Variants in RNF128 observed in about 807,000 individuals in gnomAD.
RNF128 encodes the protein E3 ubiquitin-protein ligase RNF128.
RNF128 carries 13 observed loss-of-function variants against 26.2 expected under a neutral mutation model. That is an observed-to-expected ratio of 0.50 (90% CI 0.32 to 0.79). RNF128 has a LOEUF of 0.79. Ranked by LOEUF, RNF128 falls within the 30% of genes least tolerant of loss-of-function variation. The pLI, the probability that RNF128 is intolerant of heterozygous loss-of-function variation, is 0.03. For missense variants in RNF128, 315 were observed against 349.7 expected, an observed-to-expected ratio of 0.90 and a Z score of 0.79; for synonymous variants, 149 against 142.5, an observed-to-expected ratio of 1.05 and a Z score of -0.32.
chrX:106,750,878 A>G (rs1220388029), intron 1 of RNF128, among the ~76,000 whole-genome samples: 1 of 112,225 alleles, frequency 8.9e-6, no homozygotes, highest in African/African-American at 3.2e-5. Context: ...TCCATTTCCA[A>G]AAATTTATGA....
chrX:106,720,118 A>G (rs982283134), intron 1 of RNF128, among the ~76,000 whole-genome samples: 2 of 110,235 alleles, frequency 1.8e-5, no homozygotes, highest in African/African-American at 6.6e-5. Context: ...AGGTTTGCCC[A>G]ATACCAGAGT....
chrX:106,787,051 G>C (rs926343635), intron 3 of RNF128, among the ~76,000 whole-genome samples: 1 of 110,831 alleles, frequency 9.0e-6, no homozygotes, highest in East Asian at 2.8e-4. Flanking sequence ...AGTTCCTTAT[G>C]AAGTTAAAAA....
intron 1 of RNF128, among the ~76,000 whole-genome samples, chrX:106,697,014 A>C (rs1310879035): frequency 9.0e-6 from 1 of 111,495 alleles, no homozygotes. Context: ...TTCTTGGGAT[A>C]TGGGACTCTT....
intron 1 of RNF128, among the ~76,000 whole-genome samples, chrX:106,734,779 G>T (rs973880404): frequency 9.8e-5 from 11 of 111,970 alleles, no homozygotes; most frequent in African/African-American, 3.6e-4. Context: ...TTTTGATGTA[G>T]CACAATTATC....
chrX:106,748,544 G>C (rs1929825641), intron 1 of RNF128, among the ~76,000 whole-genome samples: 1 of 111,926 alleles, frequency 8.9e-6, no homozygotes, highest in African/African-American at 3.2e-5. Flanking sequence ...AAAGATGAAT[G>C]GATAAAGAAA....
chrX:106,788,706 T>A (rs1277533078), intron 4 of RNF128, among the ~76,000 whole-genome samples: 1 of 61,562 alleles, frequency 1.6e-5, no homozygotes, highest in Admixed American at 2.8e-4. Context: ...ATAAATATAT[T>A]TTATATATAG....
intron 2 of RNF128, among the ~76,000 whole-genome samples, chrX:106,784,098 A>G (rs182752187): frequency 8.0e-5 from 9 of 111,932 alleles, no homozygotes; most frequent in African/African-American, 2.9e-4. Context: ...TATTATATTC[A>G]CTACTTCAAT....
intron 1 of RNF128, among the ~76,000 whole-genome samples, chrX:106,717,026 C>T (rs1424777382): frequency 1.8e-5 from 2 of 109,857 alleles, no homozygotes; most frequent in Non-Finnish European, 3.8e-5. Flanking sequence ...CACGGTGAAA[C>T]CCCGTCTCTA....
At chrX:106,734,700 A>T (rs1237769035) in intron 1 of RNF128, among the ~76,000 whole-genome samples, 2 of 112,238 alleles carry the variant, frequency 1.8e-5, no homozygotes, top group African/African-American at 3.2e-5. Context: ...CTGTGTGACC[A>T]GCGCCCTGCT....
At chrX:106,698,891 C>G (rs1418079827) in intron 1 of RNF128, among the ~76,000 whole-genome samples, 1 of 111,422 alleles carries the variant, frequency 9.0e-6, no homozygotes, top group African/African-American at 3.3e-5. Flanking sequence ...CCCTCCTCTT[C>G]TACTCACTGA....
chrX:106,785,049 G>GTTTT lies in RNF128; in HGVS notation c.733-8_733-5dup, dbSNP rs370041439. 4.2e-6 allele frequency: 4 copies of GTTTT among 958,534 alleles called. No homozygotes were observed. Among genetic ancestry groups the GTTTT allele is most frequent in the Non-Finnish European group, 4.2e-6 (3 of 711,115 alleles). The allele number at this position is 958,534 out of a possible 1,213,427, so 79.0% of individuals were successfully genotyped here. On this transcript the variant is annotated splice_polypyrimidine_tract_variant and intron_variant, in intron 2 of 6. Coordinates refer to ENST00000255499, the MANE Select transcript of RNF128 (RefSeq NM_194463.2). The stretch of plus-strand genomic sequence containing the variant: ...AAAAATAGTTTTTCTAATACCTGCT[G>GTTTT]TTTTTTTTTTTACAGAGGCAATTAA...
chrX:106,776,829 T>C (rs1930473203), intron 2 of RNF128, among the ~76,000 whole-genome samples: 1 of 111,673 alleles, frequency 9.0e-6, no homozygotes, highest in East Asian at 2.8e-4. Context: ...GATACCCATG[T>C]ACTCCCATGG....
chrX:106,764,891 G>T (rs1392458682), intron 1 of RNF128, among the ~76,000 whole-genome samples: 1 of 111,362 alleles, frequency 9.0e-6, no homozygotes, highest in African/African-American at 3.3e-5. Flanking sequence ...TTAGAGAAAA[G>T]ACAAATAATG....
chrX:106,755,659 G>C (rs1473430317), intron 1 of RNF128, among the ~76,000 whole-genome samples: 1 of 111,513 alleles, frequency 9.0e-6, no homozygotes, highest in African/African-American at 3.3e-5. Context: ...AGGACAGAAA[G>C]CATATAATTC....
At position 106,788,356 on chromosome X, in the gene RNF128, AC is replaced by A. The variant is rs1930701983; in HGVS notation, c.887+357del. Among the ~76,000 whole-genome samples, 18 of 49,741 alleles carry A rather than the reference AC, an allele frequency of 3.6e-4. No individual in the cohort carries two copies. The South Asian group carries it at 4.7e-3, about 13-fold the overall frequency. 43.2% of individuals were successfully genotyped at this position (49,741 alleles called of 115,157 possible). Reference sequence around the variant, plus strand: ...ATACTATATATAATATATATTATATACTATATATAATATATATTATATATTA... The same window carrying A: ...ATACTATATATAATATATATTATATATATATATAATATATATTATATATTA... On this transcript the variant is annotated intron_variant, in intron 4 of 6. Transcript: ENST00000255499.
intron 1 of RNF128, among the ~76,000 whole-genome samples, chrX:106,717,902 G>C (rs1929246050): frequency 8.9e-6 from 1 of 111,863 alleles, no homozygotes. Flanking sequence ...ACAAGGGTAA[G>C]ATTCTGTTGC....
chrX:106,759,787 G>A lies in RNF128; in HGVS notation c.485-13126G>A, dbSNP rs377265213. Among the ~76,000 whole-genome samples, 5 of 111,809 alleles carry A rather than the reference G, an allele frequency of 4.5e-5. No homozygotes were observed. In the East Asian group the frequency reaches 8.4e-4, roughly 19 times the overall value. On this transcript the variant is annotated intron_variant, in intron 1 of 6. Transcript: ENST00000255499. ...GGATGGTTACCAGAGGCTGGGAAGGGTAGAGGTGGGTAGAAAGAAATTGGG... is the reference window on the plus strand; with the variant it reads ...GGATGGTTACCAGAGGCTGGGAAGGATAGAGGTGGGTAGAAAGAAATTGGG...
At chrX:106,741,635 A>G (rs1929703977) in intron 1 of RNF128, among the ~76,000 whole-genome samples, 1 of 112,164 alleles carries the variant, frequency 8.9e-6, no homozygotes, top group Non-Finnish European at 1.9e-5. Flanking sequence ...TTATATAGAG[A>G]GAGGACGCAC....
At chrX:106,765,906 C>G (rs192139605) in intron 1 of RNF128, among the ~76,000 whole-genome samples, 68 of 76,625 alleles carry the variant, frequency 8.9e-4, no homozygotes, top group Middle Eastern at 8.9e-3. Flanking sequence ...GTGTGATGTT[C>G]CCCACCCTGT....
Sources: allele counts gnomAD v4.1 joint callset (sites outside exome capture counted in the v4.1 genomes callset), GRCh38; gene constraint gnomAD v4.1.1; transcripts MANE v1.5; gene names NCBI Gene and HGNC (gene_info 2026-07-23, HGNC 2026-07-21).